SERPINA12: variants seen among roughly 807,000 people sequenced by gnomAD.
SERPINA12 encodes the protein serpin A12.
In SERPINA12, 21 loss-of-function variants were observed where a neutral mutation model predicts 25.9. That is an observed-to-expected ratio of 0.81 (90% CI 0.58 to 1.17). SERPINA12 has a LOEUF of 1.17. Ranked by LOEUF, SERPINA12 falls within the 50% of genes most tolerant of loss-of-function variation. The probability of loss-of-function intolerance (pLI) is 0.00; values close to 1 mark genes in which losing one functional copy is unlikely to be tolerated. For missense variants in SERPINA12, 562 were observed against 508.3 expected, an observed-to-expected ratio of 1.11 and a Z score of -1.02; for synonymous variants, 220 against 196.0, an observed-to-expected ratio of 1.12 and a Z score of -1.02.
chr14:94,487,872 CA>C (rs889942813), intron 4 of SERPINA12, among the ~76,000 whole-genome samples: 2 of 152,148 alleles, frequency 1.3e-5, no homozygotes, highest in African/African-American at 4.8e-5. Flanking sequence ...AAGCCTCCAG[CA>C]CCTCCTTTCA....
In SERPINA12 at chr14:94,489,621, T is replaced by A. The variant is rs1900067126; in HGVS notation, c.1052A>T (p.Glu351Val). Residue 351 changes from glutamate (E) to valine (V), a missense_variant and splice_region_variant, in exon 4 of 5, where the codon GAG (glutamate) becomes GTG (valine). Physicochemically the swap from Glu to Val is moderately radical, Grantham distance 121. Coordinates refer to ENST00000677451, the MANE Select transcript of SERPINA12 (RefSeq NM_001382267.1). ...GGAGTCCAGGCTAGGCAGGCTTACC[T>A]CGCCCACTTTCAGGCTGCGATGAGG... The part of the protein sequence containing the change: ...IAPHRSLKVG[E>V]AVHKAELKMD... 3 of 1,613,764 alleles carry A rather than the reference T, an allele frequency of 1.9e-6. No homozygotes were observed. The Admixed American group carries it at 5.0e-5, about 27-fold the overall frequency.
Position 94,498,340 on chromosome 14 carries a change from G to T in SERPINA12, c.58C>A (p.Leu20Ile), listed in dbSNP as rs749001752. 3.1e-5 allele frequency: 50 copies of T among 1,614,020 alleles called. No individual in the cohort carries two copies. Among genetic ancestry groups the T allele is most frequent in the Non-Finnish European group, 4.2e-5 (49 of 1,180,038 alleles). Residue 20 changes from leucine to isoleucine, a missense_variant, in exon 2 of 5, where the codon CTT becomes ATT. Coordinates refer to ENST00000677451, the MANE Select transcript of SERPINA12 (RefSeq NM_001382267.1). The stretch of plus-strand genomic sequence containing the variant: ...CTTGGTGAGAAGCTCGGCTTTAGAA[G>T]ACCTTTCACCGTGAGGAGAACAGCC... The part of the protein sequence containing the change: ...FLAVLLTVKG[L>I]LKPSFSPRNY...
chr14:94,504,597 T>G (rs1382565773), intron 1 of SERPINA12, among the ~76,000 whole-genome samples: 1 of 152,246 alleles, frequency 6.6e-6, no homozygotes, highest in African/African-American at 2.4e-5. Flanking sequence ...TTAGCTTAGC[T>G]CACATGGAGT....
At chr14:94,517,644 G>A (rs1901269314) in exon 1 of SERPINA12, 1 of 152,202 alleles carries the variant, frequency 6.6e-6, no homozygotes, top group Admixed American at 6.5e-5. Context: ...TTCTCCTGGG[G>A]ATGAGTGATT....
chr14:94,501,655 A>AC (rs1900727368), intron 1 of SERPINA12, among the ~76,000 whole-genome samples: 2 of 113,714 alleles, frequency 1.8e-5, no homozygotes, highest in African/African-American at 9.3e-5. Context: ...TGGCACTGCC[A>AC]CCACCTCCCC....
intron 1 of SERPINA12, chr14:94,501,188 A>C (rs1301848622): frequency 1.0e-6 from 1 of 984,956 alleles, no homozygotes; most frequent in Non-Finnish European, 1.2e-6. Context: ...CTGTTTACAA[A>C]GGCTGCCTGG....
intron 2 of SERPINA12, among the ~76,000 whole-genome samples, chr14:94,497,012 T>G (rs755671123): frequency 3.3e-5 from 5 of 152,208 alleles, no homozygotes; most frequent in African/African-American, 4.8e-5. Flanking sequence ...GCCATCAATC[T>G]GCCTGTGGAT....
intron 1 of SERPINA12, among the ~76,000 whole-genome samples, chr14:94,516,989 A>G (rs1376681343): frequency 6.6e-6 from 1 of 152,208 alleles, no homozygotes. Context: ...AAATAGGGAT[A>G]CCAAGGGGGA....
At chr14:94,504,939 C>T (rs1268652139) in intron 1 of SERPINA12, among the ~76,000 whole-genome samples, 3 of 152,192 alleles carry the variant, frequency 2.0e-5, no homozygotes, top group Non-Finnish European at 4.4e-5. Context: ...TTCAGTTTTA[C>T]CACTTGGAGA....
chr14:94,509,895 C>T (rs996209827), upstream of SERPINA12: 3 of 800,930 alleles, frequency 3.7e-6, no homozygotes, highest in African/African-American at 1.9e-5. Flanking sequence ...CAGATTCCTT[C>T]CCTGGGACAG....
chr14:94,498,534 A>G (rs1900573291), intron 1 of SERPINA12, 104 bp from the exon 2 acceptor site: 3 of 923,136 alleles, frequency 3.2e-6, no homozygotes, highest in African/African-American at 3.3e-5. Context: ...TGTGTTGTAC[A>G]TAGCAGTTTA....
intron 3 of SERPINA12, among the ~76,000 whole-genome samples, chr14:94,494,177 T>C (rs1900297794): frequency 6.6e-6 from 1 of 152,076 alleles, no homozygotes; most frequent in Non-Finnish European, 1.5e-5. Flanking sequence ...AGACCTGGCA[T>C]CCCTCCCATT....
At chr14:94,517,569 G>A (rs17094917) in exon 1 of SERPINA12, 100,985 of 151,934 alleles carry the variant, frequency 0.66, 34,373 homozygotes, top group Non-Finnish European at 0.74. Context: ...TTTCCCATAT[G>A]TTGGGCTGAT....
chr14:94,492,545 T>A (rs1440553762), intron 3 of SERPINA12, among the ~76,000 whole-genome samples: 1 of 152,152 alleles, frequency 6.6e-6, no homozygotes, highest in Non-Finnish European at 1.5e-5. Context: ...AAGGGCATCT[T>A]TGTATCTGAT....
At chr14:94,497,010 T>A (rs570139406) in intron 2 of SERPINA12, among the ~76,000 whole-genome samples, 1 of 152,338 alleles carries the variant, frequency 6.6e-6, no homozygotes, top group African/African-American at 2.4e-5. Context: ...TAGCCATCAA[T>A]CTGCCTGTGG....
intron 4 of SERPINA12, among the ~76,000 whole-genome samples, chr14:94,489,167 G>GA (rs1026386571): frequency 7.2e-5 from 10 of 138,398 alleles, no homozygotes; most frequent in Middle Eastern, 3.6e-3. Context: ...AAGAAAGAAA[G>GA]AAAAAAAGAG....
intron 1 of SERPINA12, chr14:94,500,947 C>A (rs1900690505): frequency 1.0e-6 from 1 of 982,182 alleles, no homozygotes; most frequent in Admixed American, 6.2e-5. Context: ...GCCTTCGTAG[C>A]TGTGTGACAT....
At chr14:94,493,488 G>C (rs555349781) in intron 3 of SERPINA12, among the ~76,000 whole-genome samples, 1 of 152,156 alleles carries the variant, frequency 6.6e-6, no homozygotes, top group Admixed American at 6.5e-5. Flanking sequence ...CCAGAGGGAT[G>C]GGGGAGGCAG....
intron 3 of SERPINA12, among the ~76,000 whole-genome samples, chr14:94,494,433 G>T (rs1227290584): frequency 6.6e-6 from 1 of 152,192 alleles, no homozygotes; most frequent in East Asian, 1.9e-4. Flanking sequence ...AGAGTGAGCT[G>T]CAGGCTTGAG....
Sources: allele counts gnomAD v4.1 joint callset (sites outside exome capture counted in the v4.1 genomes callset), GRCh38; gene constraint gnomAD v4.1.1; transcripts MANE v1.5; gene names NCBI Gene and HGNC (gene_info 2026-07-23, HGNC 2026-07-21).